TWIST2: variants seen among roughly 807,000 people sequenced by gnomAD.
TWIST2 encodes the protein twist family bHLH transcription factor 2.
A neutral mutation model predicts 11.6 loss-of-function variants in TWIST2; 1 was observed. The ratio of observed to expected loss-of-function variants is 0.09; its 90% confidence interval spans 0.03 to 0.41. The LOEUF (loss-of-function observed/expected upper bound fraction) is 0.41. Ranked by LOEUF, TWIST2 falls within the 10% of genes least tolerant of loss-of-function variation. The pLI, the probability that TWIST2 is intolerant of heterozygous loss-of-function variation, is 0.98. For missense variants in TWIST2, 168 were observed against 226.4 expected, an observed-to-expected ratio of 0.74 and a Z score of 1.66; for synonymous variants, 87 against 96.6, an observed-to-expected ratio of 0.90 and a Z score of 0.58.
intron 1 of TWIST2, among the ~76,000 whole-genome samples, chr2:238,891,616 C>T (rs1371052828): frequency 1.3e-5 from 2 of 152,120 alleles, no homozygotes; most frequent in African/African-American, 4.8e-5. Flanking sequence ...CGGTTTCCCC[C>T]AGGAGGAGGC....
intron 1 of TWIST2, among the ~76,000 whole-genome samples, chr2:238,870,033 T>C (rs541523694): frequency 1.4e-5 from 2 of 144,744 alleles, no homozygotes; most frequent in African/African-American, 5.1e-5. Flanking sequence ...ACCAGTGCTA[T>C]AGAAGACAGT....
chr2:238,851,978 C>G (rs146212532), intron 1 of TWIST2, among the ~76,000 whole-genome samples: 134,761 of 152,156 alleles, frequency 0.89, 60,120 homozygotes, highest in African/African-American at 0.98. Flanking sequence ...TTCAGTGGCT[C>G]TTTGAGGCCA....
At chr2:238,904,942 A>G (rs1361662502) in intron 1 of TWIST2, among the ~76,000 whole-genome samples, 1 of 151,962 alleles carries the variant, frequency 6.6e-6, no homozygotes. Context: ...TGAATGGATC[A>G]ATGAAGAAAT....
intron 1 of TWIST2, among the ~76,000 whole-genome samples, chr2:238,881,751 A>G (rs547747795): frequency 6.6e-6 from 1 of 152,274 alleles, no homozygotes; most frequent in South Asian, 2.1e-4. Context: ...GCACAGCCCA[A>G]GTCCCAGCAG....
chr2:238,869,954 C>T (rs1268787878), intron 1 of TWIST2, among the ~76,000 whole-genome samples: 1 of 151,944 alleles, frequency 6.6e-6, no homozygotes, highest in Non-Finnish European at 1.5e-5. Flanking sequence ...TCAAAACAAA[C>T]ACAGAAAATA....
At chr2:238,880,087 ATAT>A (rs1229403943) in intron 1 of TWIST2, among the ~76,000 whole-genome samples, 1 of 151,952 alleles carries the variant, frequency 6.6e-6, no homozygotes, top group South Asian at 2.1e-4. Flanking sequence ...GTTAGTTTTG[ATAT>A]TAGTGTTAGT....
rs985808552 is a variant in TWIST2 at position 238,863,948 on chromosome 2, G to A, written c.*35+15215G>A. Among the ~76,000 whole-genome samples, 2 of 152,272 alleles carry A rather than the reference G, an allele frequency of 1.3e-5. No individual in the cohort carries two copies. The highest frequency in any genetic ancestry group is 6.5e-5 in the Admixed American group (1 of 15,304). On this transcript the variant is annotated intron_variant, in intron 1 of 1. Transcript: ENST00000612363. This position sits in a 1 kb window ranked among gnomAD's most constrained non-coding sequence, Gnocchi z 4.7. ...TGTGCCAGCTTCTCCAGAACCTACA[G>A]GGAGGAAGCACCAGGCGGCACCTCC...
intron 1 of TWIST2, among the ~76,000 whole-genome samples, chr2:238,873,016 G>A (rs920978402): frequency 3.3e-5 from 5 of 152,068 alleles, no homozygotes; most frequent in Non-Finnish European, 5.9e-5. Flanking sequence ...GACAATGGAG[G>A]ACTCACCATC....
At chr2:238,903,269 TGTG>T (rs1190310093) in intron 1 of TWIST2, among the ~76,000 whole-genome samples, 1 of 148,248 alleles carries the variant, frequency 6.7e-6, no homozygotes, top group Non-Finnish European at 1.5e-5. Context: ...GTGTGTGCGA[TGTG>T]GGGTGTGTCT....
At chr2:238,859,480 A>C (rs947740248) in intron 1 of TWIST2, among the ~76,000 whole-genome samples, 2 of 151,970 alleles carry the variant, frequency 1.3e-5, no homozygotes, top group Admixed American at 1.3e-4. Context: ...GGTAGTGATG[A>C]TGCCTTCACA....
chr2:238,889,001 TA>T, intron 1 of TWIST2, among the ~76,000 whole-genome samples: 1 of 152,254 alleles, frequency 6.6e-6, no homozygotes. Context: ...AATGTTCTCT[TA>T]AAAAAATTCC....
At chr2:238,896,054 C>T (rs1306401469) in intron 1 of TWIST2, among the ~76,000 whole-genome samples, 5 of 152,144 alleles carry the variant, frequency 3.3e-5, no homozygotes, top group Admixed American at 6.5e-5. Flanking sequence ...GGAGCCCCGG[C>T]GTTGTAAATA....
At chr2:238,848,822 G>C (rs934586864) in intron 1 of TWIST2, 89 bp downstream of exon 1, 7 of 1,101,160 alleles carry the variant, frequency 6.4e-6, no homozygotes, top group Non-Finnish European at 8.0e-6. Context: ...GTGTCTCCTC[G>C]GCGAGGCCCC....
chr2:238,871,871 C>A (rs185361226), intron 1 of TWIST2, among the ~76,000 whole-genome samples: 1 of 152,064 alleles, frequency 6.6e-6, no homozygotes, highest in African/African-American at 2.4e-5. Context: ...GAAGGCAGAA[C>A]GATGGCTGCC....
In TWIST2 at chr2:238,864,802, C is replaced by G. The variant is rs1692503919; in HGVS notation, c.*35+16069C>G. 6.6e-6 allele frequency among the ~76,000 whole-genome samples: 1 copy of G among 152,066 alleles called. No individual in the cohort carries two copies. The highest frequency in any genetic ancestry group is 6.5e-5 in the Admixed American group (1 of 15,288). ...GAAACACCTGTGGGGCTGTCCCCTTCTCTGAGCATCTGTGAGGGGTTTTCC... is the reference window on the plus strand; with the variant it reads ...GAAACACCTGTGGGGCTGTCCCCTTGTCTGAGCATCTGTGAGGGGTTTTCC... On this transcript the variant is annotated intron_variant, in intron 1 of 1. Transcript: ENST00000612363. This position sits in a 1 kb window ranked among gnomAD's most constrained non-coding sequence, Gnocchi z 4.7.
At chr2:238,875,026 G>C (rs1020986386) in intron 1 of TWIST2, among the ~76,000 whole-genome samples, 5 of 152,192 alleles carry the variant, frequency 3.3e-5, no homozygotes, top group Non-Finnish European at 5.9e-5. Flanking sequence ...TGGCTGGAGG[G>C]TTTGGAAGGA....
chr2:238,869,230 C>G (rs1692602196), intron 1 of TWIST2, among the ~76,000 whole-genome samples: 1 of 152,240 alleles, frequency 6.6e-6, no homozygotes, highest in Non-Finnish European at 1.5e-5. Context: ...ACAAGCGGTG[C>G]TGGCACAGGC....
chr2:238,894,958 T>C (rs1693190298), intron 1 of TWIST2, among the ~76,000 whole-genome samples: 1 of 152,270 alleles, frequency 6.6e-6, no homozygotes, highest in Non-Finnish European at 1.5e-5. Context: ...ATTGTACTTT[T>C]ATTATTACAT....
At chr2:238,861,540 G>T (rs570534560) in intron 1 of TWIST2, among the ~76,000 whole-genome samples, 1 of 152,182 alleles carries the variant, frequency 6.6e-6, no homozygotes, top group Non-Finnish European at 1.5e-5. Flanking sequence ...GCGCCCGGTG[G>T]GGGTAGTGTT....
Sources: allele counts gnomAD v4.1 joint callset (sites outside exome capture counted in the v4.1 genomes callset), GRCh38; gene constraint gnomAD v4.1.1; non-coding constraint Gnocchi (gnomAD v3.1); transcripts MANE v1.5; gene names NCBI Gene and HGNC (gene_info 2026-07-23, HGNC 2026-07-21).